The following SLC5A4 variants were observed in gnomAD, a reference collection of about 807,000 sequenced individuals.
SLC5A4 encodes the protein probable glucose sensor protein SLC5A4.
A neutral mutation model predicts 70.3 loss-of-function variants in SLC5A4; 55 were observed. The ratio of observed to expected loss-of-function variants is 0.78; its 90% confidence interval spans 0.63 to 0.98. SLC5A4 has a LOEUF of 0.98. SLC5A4 is among the 50% of genes least tolerant of loss of function. SLC5A4 has a pLI of 0.00. For synonymous variants in SLC5A4, 268 were observed against 305.7 expected, an observed-to-expected ratio of 0.88 and a Z score of 1.29; for missense variants, 735 against 839.2, an observed-to-expected ratio of 0.88 and a Z score of 1.53.
At chr22:32,292,208 AATAT>A in the SLC5A4 span, among the ~76,000 whole-genome samples, 1,114 of 73,466 alleles carry the variant, frequency 0.015, 137 homozygotes, top group African/African-American at 0.081. Flanking sequence ...GATATTATAT[AATAT>A]ATATATTATA....
At chr22:32,318,011 C>T in the SLC5A4 span, among the ~76,000 whole-genome samples, 1 of 152,126 alleles carries the variant, frequency 6.6e-6, no homozygotes, top group Non-Finnish European at 1.5e-5. Flanking sequence ...GTAGTCAATT[C>T]TCAGTCCCCC....
At chr22:32,254,037 T>A in intron 2 of SLC5A4, 105 bp downstream of exon 2, 1 of 895,280 alleles carries the variant, frequency 1.1e-6, no homozygotes, top group South Asian at 1.3e-5. Context: ...AGCCTTGGCC[T>A]CCCAAAGTGC....
At chr22:32,285,473 A>T in the SLC5A4 span, among the ~76,000 whole-genome samples, 1 of 152,166 alleles carries the variant, frequency 6.6e-6, no homozygotes, top group East Asian at 1.9e-4. Context: ...TTTCAGCCTT[A>T]CAAGTGGCTA....
chr22:32,291,186 A>G, the SLC5A4 span, among the ~76,000 whole-genome samples: 246 of 88,036 alleles, frequency 2.8e-3, no homozygotes, highest in African/African-American at 9.8e-3. Context: ...CTCTTTTTAT[A>G]TACTTTGTGT....
chr22:32,253,241 TC>T (rs1281582185), intron 2 of SLC5A4, among the ~76,000 whole-genome samples: 1 of 152,150 alleles, frequency 6.6e-6, no homozygotes, highest in East Asian at 1.9e-4. Flanking sequence ...GCTGACACTC[TC>T]CAGGTGCAGA....
the SLC5A4 span, among the ~76,000 whole-genome samples, chr22:32,269,144 G>C: frequency 1.3e-5 from 2 of 152,142 alleles, no homozygotes; most frequent in Admixed American, 6.5e-5. The surrounding 1 kb of genome is among the most constrained non-coding windows in gnomAD (Gnocchi z 4.1). Flanking sequence ...GCCCACCCTG[G>C]CCTCCCAAAG....
At chr22:32,257,823 G>A (rs2145714326), upstream of SLC5A4, among the ~76,000 whole-genome samples, 1 of 147,004 alleles carries the variant, frequency 6.8e-6, no homozygotes, top group Non-Finnish European at 1.5e-5. Flanking sequence ...ACACCACCAT[G>A]CCCGGCTATT....
chr22:32,277,749 C>T, the SLC5A4 span, among the ~76,000 whole-genome samples: 24 of 152,168 alleles, frequency 1.6e-4, no homozygotes, highest in African/African-American at 5.5e-4. Context: ...GGCGTTTCAC[C>T]GTGTTAGCCA....
chr22:32,320,199 AC>A, the SLC5A4 span, among the ~76,000 whole-genome samples: 2 of 152,140 alleles, frequency 1.3e-5, no homozygotes, highest in African/African-American at 4.8e-5. Flanking sequence ...TTCACTTGCC[AC>A]CCTGACACTG....
At chr22:32,290,230 C>T in the SLC5A4 span, among the ~76,000 whole-genome samples, 1 of 152,232 alleles carries the variant, frequency 6.6e-6, no homozygotes, top group African/African-American at 2.4e-5. Context: ...GGTGTTTGTC[C>T]TAATGCTCTC....
the SLC5A4 span, among the ~76,000 whole-genome samples, chr22:32,297,800 A>C: frequency 8.7e-6 from 1 of 115,418 alleles, no homozygotes; most frequent in Non-Finnish European, 1.9e-5. Flanking sequence ...TAGTGCTATA[A>C]ATTTCCCTCT....
upstream of SLC5A4, among the ~76,000 whole-genome samples, chr22:32,255,585 G>A (rs1927439434): frequency 6.6e-6 from 1 of 152,154 alleles, no homozygotes; most frequent in Non-Finnish European, 1.5e-5. Flanking sequence ...CGTTCTCTGA[G>A]TGCAAAGACA....
At chr22:32,225,297 T>C (rs1463249939) in intron 12 of SLC5A4, among the ~76,000 whole-genome samples, 5 of 152,352 alleles carry the variant, frequency 3.3e-5, no homozygotes, top group African/African-American at 1.2e-4. Context: ...TCCCATAGAA[T>C]AGGTGCTATC....
the SLC5A4 span, among the ~76,000 whole-genome samples, chr22:32,273,937 G>T: frequency 1.3e-5 from 2 of 151,888 alleles, no homozygotes; most frequent in African/African-American, 4.8e-5. Flanking sequence ...AAGGCCCAGG[G>T]ATATGAACAG....
At chr22:32,302,495 A>C in the SLC5A4 span, among the ~76,000 whole-genome samples, 2 of 152,190 alleles carry the variant, frequency 1.3e-5, no homozygotes, top group African/African-American at 4.8e-5. Context: ...CTTAGTATGT[A>C]AGACTTAGGT....
chr22:32,320,967 T>A, the SLC5A4 span, among the ~76,000 whole-genome samples: 8 of 152,200 alleles, frequency 5.3e-5, no homozygotes, highest in Admixed American at 1.3e-4. Flanking sequence ...CCTAGGGAAC[T>A]GCATTAGCAT....
At chr22:32,309,126 C>T in the SLC5A4 span, among the ~76,000 whole-genome samples, 2 of 129,420 alleles carry the variant, frequency 1.5e-5, no homozygotes, top group African/African-American at 5.0e-5. Context: ...GGCTGCTTCT[C>T]TAGGTGCAGG....
chr22:32,272,466 C>A, the SLC5A4 span: 1 of 772,874 alleles, frequency 1.3e-6, no homozygotes, highest in Non-Finnish European at 2.3e-6. Flanking sequence ...GGAACTTCAT[C>A]CTGGCAGCCG....
chr22:32,232,850 T>C (rs1603228199), intron 9 of SLC5A4, 49 bp downstream of exon 9: 1 of 1,554,440 alleles, frequency 6.4e-7, no homozygotes, highest in Non-Finnish European at 8.7e-7. Flanking sequence ...AAAACACTTA[T>C]CAGAATACAA....
Sources: allele counts gnomAD v4.1 joint callset (sites outside exome capture counted in the v4.1 genomes callset), GRCh38; gene constraint gnomAD v4.1.1; non-coding constraint Gnocchi (gnomAD v3.1); transcripts MANE v1.5; gene names NCBI Gene and HGNC (gene_info 2026-07-23, HGNC 2026-07-21).